MIA2: variants seen among roughly 807,000 people sequenced by gnomAD.
MIA2 encodes MIA SH3 domain ER export factor 2, also known as melanoma inhibitory activity protein 2.
A neutral mutation model predicts 167.8 loss-of-function variants in MIA2; 127 were observed. The ratio of observed to expected loss-of-function variants is 0.76; its 90% confidence interval spans 0.66 to 0.88. MIA2 has a LOEUF of 0.88. Ranked by LOEUF, MIA2 falls within the 40% of genes least tolerant of loss-of-function variation. The pLI is 0.00. For synonymous variants in MIA2, 552 were observed against 541.9 expected, an observed-to-expected ratio of 1.02 and a Z score of -0.26; for missense variants, 1,690 against 1,624.7, an observed-to-expected ratio of 1.04 and a Z score of -0.69.
chr14:39,261,442 A>G lies in MIA2; in HGVS notation c.1887+8271A>G, dbSNP rs1050300449. Among the ~76,000 whole-genome samples the G allele has an allele frequency of 6.1e-4, 93 of 152,318 alleles. 1 individual carries two copies. Among genetic ancestry groups the G allele is most frequent in the African/African-American group, 2.1e-3 (87 of 41,552 alleles). On this transcript the variant is annotated intron_variant, in intron 6 of 28. Transcript: ENST00000640607. ...CTTTGCTAATGTGAATAGTGCTGCA[A>G]TAAACATACGTGTGCAGGTGCCTTT...
intron 9 of MIA2, among the ~76,000 whole-genome samples, chr14:39,284,402 G>A (rs998176836): frequency 6.6e-6 from 1 of 152,060 alleles, no homozygotes; most frequent in Admixed American, 6.6e-5. Context: ...CTGTTCCACT[G>A]GTCTGTGTAT....
chr14:39,275,528 G>A (rs1412304574), intron 6 of MIA2, among the ~76,000 whole-genome samples: 1 of 152,162 alleles, frequency 6.6e-6, no homozygotes, highest in Non-Finnish European at 1.5e-5. Flanking sequence ...TGTACTAAAG[G>A]TAATTACGTG....
At chr14:39,248,207 C>A (rs1299912714) in intron 4 of MIA2, 66 bp downstream of exon 4, 1 of 1,144,718 alleles carries the variant, frequency 8.7e-7, no homozygotes, top group Non-Finnish European at 1.1e-6. Flanking sequence ...TTTATAAGTG[C>A]AAATCAGATG....
At chr14:39,355,196 A>G (rs2074489969), downstream of MIA2, among the ~76,000 whole-genome samples, 1 of 151,700 alleles carries the variant, frequency 6.6e-6, no homozygotes, top group Non-Finnish European at 1.5e-5. Context: ...TGAGCATGGA[A>G]TGTTCTTCCA....
chr14:39,339,872 A>G (rs979253638), intron 25 of MIA2, among the ~76,000 whole-genome samples: 1 of 152,118 alleles, frequency 6.6e-6, no homozygotes, highest in African/African-American at 2.4e-5. Flanking sequence ...TTGAGACAGA[A>G]TCTCACTCTG....
chr14:39,375,012 G>GAATCAC (rs1205615937), intron 23 of MIA2, among the ~76,000 whole-genome samples: 1 of 152,204 alleles, frequency 6.6e-6, no homozygotes, highest in Admixed American at 6.5e-5. Flanking sequence ...AATCATGGAG[G>GAATCAC]TTTGGACATG....
At chr14:39,349,586 CAT>C (rs1249561183) in intron 28 of MIA2, among the ~76,000 whole-genome samples, 1 of 152,128 alleles carries the variant, frequency 6.6e-6, no homozygotes, top group African/African-American at 2.4e-5. Flanking sequence ...ATGAATGTCT[CAT>C]ATAGTCTTTC....
downstream of MIA2, among the ~76,000 whole-genome samples, chr14:39,355,938 G>GC (rs1210803944): frequency 6.6e-6 from 1 of 152,136 alleles, no homozygotes; most frequent in East Asian, 1.9e-4. Flanking sequence ...TTGATGTGCT[G>GC]TGGATTCGGT....
At chr14:39,269,181 T>G in intron 6 of MIA2, 1 of 496,310 alleles carries the variant, frequency 2.0e-6, no homozygotes, top group Non-Finnish European at 2.6e-6. Context: ...TTTTAAAAAT[T>G]ATTTTGTATT....
chr14:39,262,306 G>C (rs528816930), intron 6 of MIA2, among the ~76,000 whole-genome samples: 2 of 152,270 alleles, frequency 1.3e-5, no homozygotes, highest in South Asian at 4.1e-4. Context: ...TGTCAGGTTT[G>C]TCAAAGATCG....
At chr14:39,372,134 C>T (rs2074960392) in intron 23 of MIA2, among the ~76,000 whole-genome samples, 1 of 151,724 alleles carries the variant, frequency 6.6e-6, no homozygotes, top group Admixed American at 6.6e-5. Flanking sequence ...GAATAAATTT[C>T]TTATAAGTAG....
chr14:39,387,543 G>C (rs551104156), exon 24 of MIA2: 2 of 152,402 alleles, frequency 1.3e-5, no homozygotes, highest in Admixed American at 1.3e-4. Context: ...GTGTGTTTTT[G>C]AGATGGAATT....
Position 39,310,287 on chromosome 14 carries a change from A to G in MIA2, c.3017+1700A>G, listed in dbSNP as rs566774072. Among the ~76,000 whole-genome samples, 5 of 152,100 alleles carry G rather than the reference A, an allele frequency of 3.3e-5. No homozygotes were observed. In the South Asian group the frequency reaches 8.3e-4, roughly 25 times the overall value. On this transcript the variant is annotated intron_variant, in intron 18 of 28. Coordinates refer to ENST00000640607, the MANE Select transcript of MIA2 (RefSeq NM_001329214.4). ...TTAGTGCCTCATTTTTTACATTTTT[A>G]TGCTTTTTGCTGGTGATTTAGCTGT...
At chr14:39,260,536 C>T (rs2055049678) in intron 6 of MIA2, among the ~76,000 whole-genome samples, 1 of 152,124 alleles carries the variant, frequency 6.6e-6, no homozygotes, top group African/African-American at 2.4e-5. Context: ...TATCCTTTGC[C>T]CACTTTTTGA....
At chr14:39,242,302 T>C (rs189980377) in intron 3 of MIA2, among the ~76,000 whole-genome samples, 150 of 151,304 alleles carry the variant, frequency 9.9e-4, no homozygotes, top group African/African-American at 3.5e-3. Flanking sequence ...TTTCTGTTTA[T>C]TTCCTTCATA....
intron 25 of MIA2, among the ~76,000 whole-genome samples, chr14:39,341,981 G>C (rs957311624): frequency 1.3e-5 from 2 of 151,980 alleles, no homozygotes; most frequent in Non-Finnish European, 2.9e-5. Flanking sequence ...CCACAGAAAG[G>C]TTGGGTAACT....
intron 23 of MIA2, among the ~76,000 whole-genome samples, chr14:39,366,380 A>C (rs1346493233): frequency 6.6e-6 from 1 of 152,178 alleles, no homozygotes; most frequent in East Asian, 1.9e-4. Context: ...GCCCCTGGGC[A>C]GTGTGTGTAT....
chr14:39,282,515 T>G (rs183636565), intron 9 of MIA2, among the ~76,000 whole-genome samples: 1 of 152,130 alleles, frequency 6.6e-6, no homozygotes, highest in African/African-American at 2.4e-5. Flanking sequence ...TGCAGTACAC[T>G]ATTATTAACT....
rs34686676 is a variant in MIA2, at chr14:39,273,351, G to GT, written c.1888-3575dup. Among the ~76,000 whole-genome samples the GT allele has an allele frequency of 4.0e-5, 6 of 151,204 alleles. No individual in the cohort carries two copies. In the South Asian group the frequency reaches 8.4e-4, roughly 21 times the overall value. ...AATCGTACTTTGTTGAGTGTGTTTTGTTTTTTTTGTTGTTTGTTTGGGACA... is the reference window on the plus strand; with the variant it reads ...AATCGTACTTTGTTGAGTGTGTTTTGTTTTTTTTTGTTGTTTGTTTGGGACA... On this transcript the variant is annotated intron_variant, in intron 6 of 28. Transcript: ENST00000640607.
Sources: gnomAD v4.1 joint callset for allele counts (sites outside exome capture counted in the v4.1 genomes callset) on GRCh38, gnomAD v4.1.1 for gene constraint, MANE v1.5 for transcripts, NCBI Gene and HGNC (gene_info 2026-07-23, HGNC 2026-07-21) for gene names.